Variants in SRGAP3 observed in about 807,000 individuals in gnomAD.
The protein encoded by SRGAP3 is SLIT-ROBO Rho GTPase activating protein 3.
A neutral mutation model predicts 121.1 loss-of-function variants in SRGAP3; 39 were observed. The observed-to-expected ratio is 0.32, with a 90% CI of 0.25 to 0.42. SRGAP3 has a LOEUF of 0.42. Ranked by LOEUF, SRGAP3 falls within the 10% of genes least tolerant of loss-of-function variation. SRGAP3 has a pLI of 1.00. For missense variants in SRGAP3, 1,213 were observed against 1,470.6 expected (o/e 0.82, Z 2.86); for synonymous variants, 601 against 570.0 (o/e 1.05, Z -0.77).
intron 1 of SRGAP3, among the ~76,000 whole-genome samples, chr3:9,221,840 T>G (rs1446152723): frequency 6.6e-6 from 1 of 152,228 alleles, no homozygotes; most frequent in African/African-American, 2.4e-5. Flanking sequence ...TTCCACTGTC[T>G]AATGAAACAA....
intron 1 of SRGAP3, among the ~76,000 whole-genome samples, chr3:9,153,260 CAAT>C (rs1027695765): frequency 6.6e-6 from 1 of 152,104 alleles, no homozygotes; most frequent in Non-Finnish European, 1.5e-5. Flanking sequence ...CAAATAATAA[CAAT>C]AATAATAATA....
intron 8 of SRGAP3, among the ~76,000 whole-genome samples, chr3:9,055,099 C>T (rs145501487): frequency 2.1e-3 from 326 of 152,342 alleles, no homozygotes; most frequent in African/African-American, 7.6e-3. Context: ...AGAAAACACT[C>T]TGTTCATCTC....
At chr3:9,028,255 C>T in intron 12 of SRGAP3, 1 of 1,343,146 alleles carries the variant, frequency 7.4e-7, no homozygotes, top group Admixed American at 1.9e-5. Context: ...GGCAGCCAGC[C>T]AAGGTCCTGG....
intron 2 of SRGAP3, among the ~76,000 whole-genome samples, chr3:9,110,752 G>A (rs1431624353): frequency 6.6e-6 from 1 of 152,254 alleles, no homozygotes. Context: ...AGTCTAAAAG[G>A]CTGGGGTGAA....
chr3:9,101,334 T>C (rs1575075170), intron 3 of SRGAP3, among the ~76,000 whole-genome samples: 1 of 152,210 alleles, frequency 6.6e-6, no homozygotes, highest in East Asian at 1.9e-4. Context: ...CTCAGTCCCA[T>C]GGGTCAGGTG....
chr3:9,347,130 C>T (rs1955905580), intron 1 of SRGAP3, among the ~76,000 whole-genome samples: 1 of 152,082 alleles, frequency 6.6e-6, no homozygotes, highest in South Asian at 2.1e-4. Flanking sequence ...GACAGGGAGG[C>T]TCAAAGACTC....
chr3:9,191,214 C>A (rs1425236356), intron 1 of SRGAP3, among the ~76,000 whole-genome samples: 1 of 152,130 alleles, frequency 6.6e-6, no homozygotes, highest in African/African-American at 2.4e-5. Context: ...CAAGCCCAGG[C>A]CCAGGCACTA....
chr3:9,085,951 A>G (rs1057263919), intron 3 of SRGAP3, among the ~76,000 whole-genome samples: 1 of 152,178 alleles, frequency 6.6e-6, no homozygotes, highest in African/African-American at 2.4e-5. Flanking sequence ...CATCCTGTAC[A>G]TGTACCTCTG....
Position 9,261,877 on chromosome 3 carries a change from A to T in SRGAP3, n.442+64133T>A, listed in dbSNP as rs1355439224. Among the ~76,000 whole-genome samples the T allele has an allele frequency of 5.8e-3, 119 of 20,574 alleles. 2 individuals carry two copies. The highest frequency in any genetic ancestry group is 0.011 in the African/African-American group (98 of 9,168). 13.5% of individuals were successfully genotyped at this position (20,574 alleles called of 152,430 possible). On this transcript the variant is annotated intron_variant and non_coding_transcript_variant, in intron 3 of 3. Coordinates refer to the SRGAP3 transcript ENST00000490889. ...CCACAAAGATACTCCTCATATATTT[A>T]AAAAAAAAAAAAAAAAAAGACACAT...
At chr3:9,045,207 A>C (rs1231982684) in intron 10 of SRGAP3, among the ~76,000 whole-genome samples, 2 of 151,722 alleles carry the variant, frequency 1.3e-5, no homozygotes, top group African/African-American at 4.8e-5. Flanking sequence ...AAAAAAAAAA[A>C]AACTTCTGTA....
At chr3:9,047,786 G>A (rs1044327186) in intron 9 of SRGAP3, among the ~76,000 whole-genome samples, 1 of 152,218 alleles carries the variant, frequency 6.6e-6, no homozygotes, top group Non-Finnish European at 1.5e-5. Context: ...GGGCCACGGG[G>A]AGACAAAGCA....
At chr3:9,252,390 G>A (rs1287811806), upstream of SRGAP3, among the ~76,000 whole-genome samples, 1 of 151,986 alleles carries the variant, frequency 6.6e-6, no homozygotes, top group Non-Finnish European at 1.5e-5. Context: ...TACTGGGATT[G>A]CAGAGTGAGC....
rs1015475520 is a variant in SRGAP3, at chr3:9,263,206, A to T, written n.442+62804T>A. ...TACGAAGTACCAGAATCTCTGGGAC[A>T]CAGCTAAAGCAGTGCTTAAAGGGAA... On this transcript the variant is annotated intron_variant and non_coding_transcript_variant, in intron 3 of 3. Transcript: ENST00000490889. Among the ~76,000 whole-genome samples the T allele has an allele frequency of 2.0e-5, 3 of 152,254 alleles. No individual in the cohort carries two copies. The South Asian group carries it at 6.2e-4, about 31-fold the overall frequency.
At chr3:9,079,576 C>T (rs1313757344) in intron 4 of SRGAP3, among the ~76,000 whole-genome samples, 1 of 152,224 alleles carries the variant, frequency 6.6e-6, no homozygotes, top group Non-Finnish European at 1.5e-5. Flanking sequence ...AACCGTGCTC[C>T]ATTTTGCAGA....
chr3:9,238,503 C>A (rs924545785), intron 1 of SRGAP3, among the ~76,000 whole-genome samples: 1 of 152,122 alleles, frequency 6.6e-6, no homozygotes, highest in Non-Finnish European at 1.5e-5. Flanking sequence ...CCCCACCACA[C>A]GAGCATATGG....
chr3:9,257,748 A>G (rs1954164925), intron 3 of SRGAP3, among the ~76,000 whole-genome samples: 1 of 112,794 alleles, frequency 8.9e-6, no homozygotes, highest in Admixed American at 1.4e-4. Flanking sequence ...TCTGTCGTCC[A>G]GGCTGGAGCA....
intron 3 of SRGAP3, among the ~76,000 whole-genome samples, chr3:9,086,723 T>C (rs558242947): frequency 1.0e-3 from 80 of 76,262 alleles, no homozygotes; most frequent in African/African-American, 2.6e-3. Context: ...CACATATACA[T>C]ATAATATGTA....
chr3:9,140,519 G>A (rs1296249360), intron 1 of SRGAP3, among the ~76,000 whole-genome samples: 1 of 152,190 alleles, frequency 6.6e-6, no homozygotes. Flanking sequence ...AATATCCACT[G>A]AACACCTATG....
At chr3:9,361,646 C>A (rs2030846357) in intron 1 of SRGAP3, among the ~76,000 whole-genome samples, 1 of 152,100 alleles carries the variant, frequency 6.6e-6, no homozygotes, top group South Asian at 2.1e-4. Context: ...CTCTTTATAA[C>A]CCCTCCCTCT....
Sources: gnomAD v4.1 joint callset for allele counts (sites outside exome capture counted in the v4.1 genomes callset) on GRCh38, gnomAD v4.1.1 for gene constraint, MANE v1.5 for transcripts, NCBI Gene and HGNC (gene_info 2026-07-23, HGNC 2026-07-21) for gene names.